Variants in MACROD2 observed in about 807,000 individuals in gnomAD.
MACROD2 encodes ADP-ribose glycohydrolase MACROD2.
Under a neutral mutation model 70.4 loss-of-function variants are expected in MACROD2, and 36 were observed. That is an observed-to-expected ratio of 0.51 (90% CI 0.39 to 0.68). MACROD2 has a LOEUF of 0.68. Ranked by LOEUF, MACROD2 falls within the 30% of genes least tolerant of loss-of-function variation. The pLI, the probability that MACROD2 is intolerant of heterozygous loss-of-function variation, is 0.00. For synonymous variants in MACROD2, 172 were observed against 178.8 expected, an observed-to-expected ratio of 0.96 and a Z score of 0.30; for missense variants, 496 against 538.4, an observed-to-expected ratio of 0.92 and a Z score of 0.78.
At chr20:15,765,303 A>C (rs932523778) in intron 8 of MACROD2, among the ~76,000 whole-genome samples, 4 of 152,216 alleles carry the variant, frequency 2.6e-5, no homozygotes, top group African/African-American at 9.7e-5. Context: ...TACTGAGCTC[A>C]GAGCTCTGTT....
intron 3 of MACROD2, among the ~76,000 whole-genome samples, chr20:14,377,858 T>A (rs1315537911): frequency 6.6e-6 from 1 of 152,218 alleles, no homozygotes; most frequent in Non-Finnish European, 1.5e-5. Flanking sequence ...TAGAGCTTAG[T>A]AGTTACCTTC....
intron 5 of MACROD2, among the ~76,000 whole-genome samples, chr20:14,761,181 C>T (rs2072010429): frequency 6.6e-6 from 1 of 152,066 alleles, no homozygotes; most frequent in African/African-American, 2.4e-5. Flanking sequence ...AGTCTGTTTT[C>T]ATCTTTGACA....
intron 3 of MACROD2, among the ~76,000 whole-genome samples, chr20:14,480,419 T>C (rs542076688): frequency 1.3e-5 from 2 of 152,340 alleles, no homozygotes; most frequent in South Asian, 2.1e-4. Context: ...TGGAATACCA[T>C]ATGCAAATTC....
chr20:14,036,787 C>T (rs1488735746), intron 2 of MACROD2, among the ~76,000 whole-genome samples: 1 of 152,188 alleles, frequency 6.6e-6, no homozygotes, highest in Non-Finnish European at 1.5e-5. Context: ...CCTCAGCCTC[C>T]CGAGTAGCTG....
intron 4 of MACROD2, among the ~76,000 whole-genome samples, chr20:14,499,288 C>T (rs529442435): frequency 2.0e-5 from 3 of 152,076 alleles, no homozygotes; most frequent in East Asian, 1.9e-4. Context: ...TTCAGTACTT[C>T]GGGAGGCCAG....
intron 8 of MACROD2, among the ~76,000 whole-genome samples, chr20:15,565,141 C>T (rs946770457): frequency 1.3e-5 from 2 of 152,126 alleles, no homozygotes; most frequent in African/African-American, 4.8e-5. Context: ...GTTACGTGAC[C>T]GCTGTGTCAC....
At chr20:15,340,126 CTTTCTTTTT>C (rs2078093019) in intron 6 of MACROD2, among the ~76,000 whole-genome samples, 3 of 91,840 alleles carry the variant, frequency 3.3e-5, no homozygotes, top group African/African-American at 8.0e-5. Flanking sequence ...TTCTTTCTTT[CTTTCTTTTT>C]TTTTTTTTTT....
At chr20:14,465,842 A>G (rs1166143132) in intron 3 of MACROD2, among the ~76,000 whole-genome samples, 1 of 152,094 alleles carries the variant, frequency 6.6e-6, no homozygotes, top group Non-Finnish European at 1.5e-5. Context: ...TCTTTTCTTT[A>G]AGAATGTTGA....
intron 4 of MACROD2, among the ~76,000 whole-genome samples, chr20:14,596,083 A>ATG (rs1568689797): frequency 6.6e-6 from 1 of 151,598 alleles, no homozygotes. Context: ...TTATATATAT[A>ATG]TATGTAATTT....
At chr20:15,134,299 G>A (rs566417022) in intron 5 of MACROD2, among the ~76,000 whole-genome samples, 13 of 150,674 alleles carry the variant, frequency 8.6e-5, no homozygotes, top group South Asian at 2.1e-4. Context: ...CGAGGCGGGC[G>A]GATCACGAGG....
At chr20:14,613,192 C>T (rs547161747) in intron 4 of MACROD2, among the ~76,000 whole-genome samples, 6 of 152,216 alleles carry the variant, frequency 3.9e-5, no homozygotes, top group African/African-American at 1.4e-4. Flanking sequence ...CTTCTGACAA[C>T]ATGAGTTCTA....
chr20:15,678,706 A>C (rs969501265), intron 8 of MACROD2, among the ~76,000 whole-genome samples: 1 of 152,208 alleles, frequency 6.6e-6, no homozygotes, highest in East Asian at 1.9e-4. Flanking sequence ...AACACCTTTC[A>C]TGATTATCAG....
chr20:15,096,211 T>C (rs991488971), intron 5 of MACROD2, among the ~76,000 whole-genome samples: 1 of 151,760 alleles, frequency 6.6e-6, no homozygotes, highest in Non-Finnish European at 1.5e-5. Flanking sequence ...GGCCAAAGAG[T>C]TTGATTTGAT....
intron 3 of MACROD2, among the ~76,000 whole-genome samples, chr20:14,296,347 A>G (rs1042182136): frequency 7.9e-5 from 12 of 151,998 alleles, no homozygotes; most frequent in Non-Finnish European, 4.4e-5. Flanking sequence ...AGACATGTAC[A>G]AGAAGTTCAT....
At chr20:15,947,252 C>T (rs543992167) in intron 12 of MACROD2, among the ~76,000 whole-genome samples, 1 of 152,226 alleles carries the variant, frequency 6.6e-6, no homozygotes, top group East Asian at 1.9e-4. Flanking sequence ...TCACAGGTGT[C>T]GGGCTGGGGG....
intron 5 of MACROD2, among the ~76,000 whole-genome samples, chr20:15,229,724 T>C (rs1267529204): frequency 6.6e-6 from 1 of 152,210 alleles, no homozygotes; most frequent in East Asian, 1.9e-4. Flanking sequence ...GGGGATTCCT[T>C]TTCACAATTA....
chr20:15,071,161 A>C (rs1402966549), intron 5 of MACROD2, among the ~76,000 whole-genome samples: 2 of 152,178 alleles, frequency 1.3e-5, no homozygotes, highest in East Asian at 3.9e-4. Flanking sequence ...ACAGTTGTTG[A>C]TGGATTACCC....
At chr20:15,793,862 T>G (rs2063648288) in intron 8 of MACROD2, among the ~76,000 whole-genome samples, 1 of 147,248 alleles carries the variant, frequency 6.8e-6, no homozygotes, top group South Asian at 2.1e-4. Context: ...AATTTTATTA[T>G]ATTATATTAA....
At chr20:15,764,582 A>G (rs1045744552) in intron 8 of MACROD2, among the ~76,000 whole-genome samples, 20 of 152,080 alleles carry the variant, frequency 1.3e-4, no homozygotes, top group Non-Finnish European at 1.6e-4. Flanking sequence ...CCTCCAATCC[A>G]TGTGCCAGCC....
Sources: gnomAD v4.1 joint callset for allele counts (sites outside exome capture counted in the v4.1 genomes callset) on GRCh38, gnomAD v4.1.1 for gene constraint, MANE v1.5 for transcripts, NCBI Gene and HGNC (gene_info 2026-07-23, HGNC 2026-07-21) for gene names.